The following ADGRB3 variants were observed in gnomAD, a reference collection of about 807,000 sequenced individuals.
The protein encoded by ADGRB3 is adhesion G protein-coupled receptor B3.
ADGRB3 carries 37 observed loss-of-function variants against 193.4 expected under a neutral mutation model. The observed-to-expected ratio is 0.19, with a 90% CI of 0.15 to 0.25. The LOEUF is 0.25. ADGRB3 is among the 10% of genes least tolerant of loss of function. The probability of loss-of-function intolerance (pLI) is 1.00; values close to 1 mark genes in which losing one functional copy is unlikely to be tolerated. For synonymous variants in ADGRB3, 690 were observed against 644.2 expected, an observed-to-expected ratio of 1.07 and a Z score of -1.08; for missense variants, 1,637 against 1,852.9, an observed-to-expected ratio of 0.88 and a Z score of 2.14.
intron 20 of ADGRB3, among the ~76,000 whole-genome samples, chr6:69,299,365 C>A (rs1400141556): frequency 2.6e-5 from 4 of 151,782 alleles, no homozygotes; most frequent in Non-Finnish European, 4.4e-5. Flanking sequence ...TGTCTCTTCA[C>A]TTTGTTAATT....
At chr6:69,374,089 A>T (rs1045860829) in intron 30 of ADGRB3, among the ~76,000 whole-genome samples, 2 of 152,030 alleles carry the variant, frequency 1.3e-5, no homozygotes, top group African/African-American at 4.8e-5. Context: ...AACCCCGGAC[A>T]TGTCTTTAGC....
Position 68,824,007 on chromosome 6 carries a change from G to A in ADGRB3, c.758-106552G>A, listed in dbSNP as rs546588883. Among the ~76,000 whole-genome samples the A allele has an allele frequency of 3.3e-5, 5 of 152,106 alleles. No individual in the cohort carries two copies. The South Asian group carries it at 6.2e-4, about 19-fold the overall frequency. On this transcript the variant is annotated intron_variant, in intron 3 of 31. Coordinates refer to ENST00000370598, the MANE Select transcript of ADGRB3 (RefSeq NM_001704.3). ...TGGTATGCTGAAGATTTACTGCTACGTGCATCGCTGTGGAATTCTTCATAT... is the reference window on the plus strand; with the variant it reads ...TGGTATGCTGAAGATTTACTGCTACATGCATCGCTGTGGAATTCTTCATAT...
chr6:68,767,684 C>T (rs1365184250), intron 3 of ADGRB3, among the ~76,000 whole-genome samples: 9 of 152,090 alleles, frequency 5.9e-5, no homozygotes, highest in Non-Finnish European at 1.2e-4. Flanking sequence ...TTGGAAGTTC[C>T]GACCAGGGCA....
At chr6:68,913,598 C>T (rs2150238581) in intron 3 of ADGRB3, among the ~76,000 whole-genome samples, 1 of 152,286 alleles carries the variant, frequency 6.6e-6, no homozygotes, top group African/African-American at 2.4e-5. Flanking sequence ...GGGGAAAAAA[C>T]AGAGCAGAAA....
intron 17 of ADGRB3, among the ~76,000 whole-genome samples, chr6:69,127,635 T>A: frequency 6.6e-6 from 1 of 152,222 alleles, no homozygotes; most frequent in East Asian, 1.9e-4. Flanking sequence ...TAGCTGGATC[T>A]TGGTGAGTAT....
chr6:68,838,872 A>G (rs1017917731), intron 3 of ADGRB3, among the ~76,000 whole-genome samples: 12 of 152,192 alleles, frequency 7.9e-5, no homozygotes, highest in Admixed American at 7.9e-4. Flanking sequence ...TGGCTTACAG[A>G]CACATAAAAT....
chr6:69,282,087 A>C (rs1767449124), intron 20 of ADGRB3, among the ~76,000 whole-genome samples: 1 of 152,150 alleles, frequency 6.6e-6, no homozygotes, highest in South Asian at 2.1e-4. Flanking sequence ...CAGAATGAAA[A>C]GGTGTTCCCC....
intron 20 of ADGRB3, among the ~76,000 whole-genome samples, chr6:69,244,608 T>G (rs1766454157): frequency 6.6e-6 from 1 of 152,072 alleles, no homozygotes; most frequent in Admixed American, 6.6e-5. Flanking sequence ...GACTGCCCCC[T>G]GCCCCAGAGA....
chr6:68,896,781 TA>T (rs1766230099), intron 3 of ADGRB3, among the ~76,000 whole-genome samples: 1 of 152,144 alleles, frequency 6.6e-6, no homozygotes, highest in Non-Finnish European at 1.5e-5. Context: ...TCATCAAAGA[TA>T]AAAATACCTG....
chr6:68,846,416 CAG>C (rs1270007473), intron 3 of ADGRB3, among the ~76,000 whole-genome samples: 14 of 152,212 alleles, frequency 9.2e-5, no homozygotes, highest in Non-Finnish European at 1.3e-4. Context: ...CAGGCCATGT[CAG>C]AGACCTTCAA....
intron 13 of ADGRB3, among the ~76,000 whole-genome samples, chr6:69,042,912 C>T (rs1246944345): frequency 1.3e-5 from 2 of 152,184 alleles, no homozygotes; most frequent in African/African-American, 4.8e-5. Context: ...TATTTTGTAT[C>T]CCCTTCAACA....
intron 3 of ADGRB3, among the ~76,000 whole-genome samples, chr6:68,789,470 T>C (rs1322609574): frequency 6.6e-6 from 1 of 152,240 alleles, no homozygotes; most frequent in African/African-American, 2.4e-5. Context: ...TTTAAGAATG[T>C]TGAATATTGG....
At chr6:69,223,135 T>C (rs72911196) in intron 17 of ADGRB3, among the ~76,000 whole-genome samples, 6,976 of 152,218 alleles carry the variant, frequency 0.046, 223 homozygotes, top group Non-Finnish European at 0.071. Flanking sequence ...TACTGAGGAC[T>C]CCCATTTTCA....
chr6:68,779,128 A>C (rs1766805799), intron 3 of ADGRB3, among the ~76,000 whole-genome samples: 1 of 151,878 alleles, frequency 6.6e-6, no homozygotes, highest in Admixed American at 6.6e-5. Flanking sequence ...ACACACACAC[A>C]CTCACACATA....
intron 16 of ADGRB3, among the ~76,000 whole-genome samples, chr6:69,071,858 A>G (rs551136101): frequency 2.0e-5 from 3 of 152,048 alleles, no homozygotes; most frequent in Admixed American, 1.3e-4. Context: ...TTTTCCTCTC[A>G]CCGTGTCATT....
chr6:69,236,099 T>C lies in ADGRB3; in HGVS notation c.2711+964T>C, dbSNP rs373948088. Among the ~76,000 whole-genome samples the C allele has an allele frequency of 2.0e-5, 3 of 152,124 alleles. No individual in the cohort carries two copies. In the East Asian group the frequency reaches 5.8e-4, roughly 29 times the overall value. ...TTCACTTAAGATAAAAAACATTCAG[T>C]TGAAAAATGAATTACAATTTTATTT... On this transcript the variant is annotated intron_variant, in intron 19 of 31. Transcript: ENST00000370598.
intron 3 of ADGRB3, among the ~76,000 whole-genome samples, chr6:68,896,598 A>G (rs184823071): frequency 1.8e-4 from 27 of 152,280 alleles, no homozygotes; most frequent in Middle Eastern, 3.4e-3. Flanking sequence ...AAAATCTGGT[A>G]GATATGTTAG....
At chr6:69,093,581 G>T (rs1440002364) in intron 17 of ADGRB3, among the ~76,000 whole-genome samples, 5 of 150,962 alleles carry the variant, frequency 3.3e-5, no homozygotes, top group Admixed American at 3.3e-4. Context: ...AGAGGCCAAG[G>T]TTCAGGGAAA....
chr6:68,886,273 A>G (rs756249088), intron 3 of ADGRB3, among the ~76,000 whole-genome samples: 1 of 152,038 alleles, frequency 6.6e-6, no homozygotes, highest in Admixed American at 6.6e-5. Context: ...CCAATATTTT[A>G]CCTAAAGTAC....
Sources: allele counts gnomAD v4.1 joint callset (sites outside exome capture counted in the v4.1 genomes callset), GRCh38; gene constraint gnomAD v4.1.1; transcripts MANE v1.5; gene names NCBI Gene and HGNC (gene_info 2026-07-23, HGNC 2026-07-21).